The following CHRNE variants were observed in gnomAD, a reference collection of about 807,000 sequenced individuals.
The protein encoded by CHRNE is cholinergic receptor nicotinic epsilon subunit, also known as acetylcholine receptor subunit epsilon.
Under a neutral mutation model 56.5 loss-of-function variants are expected in CHRNE, and 58 were observed. The observed-to-expected ratio is 1.03, with a 90% CI of 0.83 to 1.28. CHRNE has a LOEUF of 1.28. Ranked by LOEUF, CHRNE falls within the 50% of genes most tolerant of loss-of-function variation. The probability of loss-of-function intolerance (pLI) is 0.00; values close to 1 mark genes in which losing one functional copy is unlikely to be tolerated. For synonymous variants in CHRNE, 385 were observed against 297.9 expected (o/e 1.29, Z -3.01); for missense variants, 793 against 688.9 (o/e 1.15, Z -1.69).
At chr17:4,906,815 G>T (rs1463831917), upstream of CHRNE, among the ~76,000 whole-genome samples, 3 of 152,054 alleles carry the variant, frequency 2.0e-5, no homozygotes, top group Non-Finnish European at 4.4e-5. Flanking sequence ...ACAGATGAAT[G>T]GATAAAGCAA....
At chr17:4,899,646 T>C in intron 8 of CHRNE, 64 bp from the exon 9 acceptor site, 1 of 1,463,778 alleles carries the variant, frequency 6.8e-7, no homozygotes, top group Non-Finnish European at 9.4e-7. Flanking sequence ...CGCCGCGCGC[T>C]GACCTCACAA....
chr17:4,903,855 C>T (rs74574706), upstream of CHRNE, among the ~76,000 whole-genome samples: 19,807 of 151,982 alleles, frequency 0.13, 1,575 homozygotes, highest in African/African-American at 0.23. Flanking sequence ...TTTGATGTTC[C>T]TTTTTAAAAA....
intron 8 of CHRNE, chr17:4,899,813 C>G (rs745578004): frequency 3.0e-5 from 47 of 1,551,122 alleles, no homozygotes; most frequent in Non-Finnish European, 3.9e-5. Flanking sequence ...TCTACCACTT[C>G]CACAGCTCCA....
chr17:4,899,500 T>C lies in CHRNE; in HGVS notation c.1000A>G (p.Thr334Ala), dbSNP rs1164118107. The change falls in exon 9 of 12, where the codon ACC becomes GCC. Residue 334 changes from threonine (T) to alanine (A), a missense_variant. Transcript: ENST00000649488. ...AGCCGCGGGGACATGGCGTGGGTGGTGGGCGTCCGCTGGGACACGTTGAGC... is the reference window on the plus strand; with the variant it reads ...AGCCGCGGGGACATGGCGTGGGTGGCGGGCGTCCGCTGGGACACGTTGAGC... Reference protein sequence around the residue: ...IVLNVSQRTPTTHAMSPRLRH... With the variant: ...IVLNVSQRTPATHAMSPRLRH... The C allele has an allele frequency of 6.2e-7, 1 of 1,602,254 alleles. No individual in the cohort carries two copies. Among genetic ancestry groups the C allele is most frequent in the South Asian group, 1.1e-5 (1 of 88,632 alleles).
Position 4,902,336 on chromosome 17 carries a change from G to T in CHRNE, c.235-10C>A, listed in dbSNP as rs778566436. 1.9e-6 allele frequency: 3 copies of T among 1,613,944 alleles called. No individual in the cohort carries two copies. The African/African-American group carries it at 4.0e-5, about 22-fold the overall frequency. On this transcript the variant is annotated splice_polypyrimidine_tract_variant and intron_variant, in intron 3 of 11. Transcript: ENST00000649488. This position sits in a 1 kb window ranked among gnomAD's most constrained non-coding sequence, Gnocchi z 4.0. ...GGTAATCCTGCCAATCCTAAGGGGT[G>T]GGGGATGGAAGGCCGCGTGCCCTGC...
chr17:4,900,762 G>A lies in CHRNE; in HGVS notation c.917+31C>T, dbSNP rs1185914306. On this transcript the variant is annotated intron_variant, in intron 8 of 11. Coordinates refer to ENST00000649488, the MANE Select transcript of CHRNE (RefSeq NM_000080.4). ...TGGCCACGCCCCCACCCTTCACACT[G>A]GCCACACCCCCGCGGGGGCTCCGGC... is the stretch of plus-strand genomic sequence containing the variant. 2.5e-6 allele frequency: 4 copies of A among 1,596,654 alleles called. No individual in the cohort carries two copies. In the East Asian group the frequency reaches 6.8e-5, roughly 27 times the overall value.
In CHRNE at chr17:4,900,732, G is replaced by A. The variant is rs1969952885; in HGVS notation, c.917+61C>T. 3.2e-6 allele frequency: 5 copies of A among 1,538,612 alleles called. No homozygotes were observed. The African/African-American group carries it at 5.5e-5, about 17-fold the overall frequency. On this transcript the variant is annotated intron_variant, in intron 8 of 11. Transcript: ENST00000649488. ...GCCAGAGCTTTTCCCGGGGTCTCTGGGTTTTGGCCACGCCCCCACCCTTCA... is the reference window on the plus strand; with the variant it reads ...GCCAGAGCTTTTCCCGGGGTCTCTGAGTTTTGGCCACGCCCCCACCCTTCA...
rs780327519 is a variant in CHRNE at position 4,899,324 on chromosome 17, C to T, written c.1093G>A (p.Ala365Thr). Residue 365 changes from alanine to threonine, a missense_variant, in exon 10 of 12, where the codon GCC becomes ACC. Physicochemically the swap from Ala to Thr is moderately conservative, Grantham distance 58. Transcript: ENST00000649488. Reference sequence around the variant, plus strand: ...GACGCCCGCCTTGGGGGCGAGGCGGCCCGGGGGGCCTCGGGCGGCGGCGGG... The same window carrying T: ...GACGCCCGCCTTGGGGGCGAGGCGGTCCGGGGGGCCTCGGGCGGCGGCGGG... Reference protein sequence around the residue: ...GSPPPPEAPRAASPPRRASSV... With the variant: ...GSPPPPEAPRTASPPRRASSV... 7.0e-6 allele frequency: 11 copies of T among 1,563,586 alleles called. No individual in the cohort carries two copies. The highest frequency in any genetic ancestry group is 2.7e-5 in the African/African-American group (2 of 73,590).
At chr17:4,907,289 C>T (rs970737724), upstream of CHRNE, among the ~76,000 whole-genome samples, 1 of 151,930 alleles carries the variant, frequency 6.6e-6, no homozygotes, top group Non-Finnish European at 1.5e-5. Context: ...CCGGGCCGGG[C>T]GCGGGGGCTC....
upstream of CHRNE, among the ~76,000 whole-genome samples, chr17:4,903,282 C>T (rs889846617): frequency 6.6e-6 from 1 of 152,162 alleles, no homozygotes; most frequent in Non-Finnish European, 1.5e-5. Flanking sequence ...CCCAGCCCAG[C>T]GTCCTTTGCC....
In CHRNE at chr17:4,898,402, TATAG is replaced by T. The variant is rs773327003; in HGVS notation, c.*330_*333del. The T allele has an allele frequency of 4.2e-5, 17 of 404,880 alleles. No individual in the cohort carries two copies. The highest frequency in any genetic ancestry group is 7.2e-5 in the Admixed American group (2 of 27,678). The allele number at this position is 404,880 out of a possible 1,614,324, so 25.1% of individuals were successfully genotyped here. A position where few individuals can be genotyped will look rare whatever the true frequency, so the allele number is the denominator to read the frequency against. On this transcript the variant is annotated 3_prime_UTR_variant, in exon 12 of 12. Transcript: ENST00000649488. ...GTCTCCTGTTTGGCTATGAAATGAATATAGATAGATAGCTCACAAGCTGGCAGCC... is the reference window on the plus strand; with the variant it reads ...GTCTCCTGTTTGGCTATGAAATGAATATAGATAGCTCACAAGCTGGCAGCC...
chr17:4,900,632 G>T, intron 8 of CHRNE, 161 bp downstream of exon 8: 1 of 1,491,420 alleles, frequency 6.7e-7, no homozygotes, highest in Non-Finnish European at 9.1e-7. Context: ...CAGTGAGGAG[G>T]ACGGCGGACC....
rs1218804339 is a variant in CHRNE, at chr17:4,899,335, T to A, written c.1082A>T (p.Glu361Val). The A allele has an allele frequency of 6.4e-7, 1 of 1,551,182 alleles. No individual in the cohort carries two copies. The highest frequency in any genetic ancestry group is 2.4e-5 in the East Asian group (1 of 41,678). Reference protein sequence around the residue: ...PRLLGSPPPPEAPRAASPPRR... With the variant: ...PRLLGSPPPPVAPRAASPPRR... ...TGGGGGCGAGGCGGCCCGGGGGGCC[T>A]CGGGCGGCGGCGGGGAGCCCAGGAG... The change falls in exon 10 of 12, where the codon GAG (glutamate) becomes GTG (valine). Residue 361 changes from glutamate (E) to valine (V), a missense_variant. Coordinates refer to ENST00000649488, the MANE Select transcript of CHRNE (RefSeq NM_000080.4).
Position 4,899,480 on chromosome 17 carries a change from C to T in CHRNE, c.1020G>A (p.Pro340=). The change falls in exon 9 of 12, where the codon CCG becomes CCA. Residue 340 remains proline (P), a synonymous_variant. Coordinates refer to ENST00000649488, the MANE Select transcript of CHRNE (RefSeq NM_000080.4). ...CCTCCGCGCTTACGTGGCGCAGCCGCGGGGACATGGCGTGGGTGGTGGGCG... is the reference window on the plus strand; with the variant it reads ...CCTCCGCGCTTACGTGGCGCAGCCGTGGGGACATGGCGTGGGTGGTGGGCG... The part of the protein sequence containing the change: ...QRTPTTHAMS[P]RLRHVLLELL... The T allele has an allele frequency of 6.3e-7, 1 of 1,596,830 alleles. No individual in the cohort carries two copies. The highest frequency in any genetic ancestry group is 8.5e-7 in the Non-Finnish European group (1 of 1,173,310).
intron 1 of CHRNE, among the ~76,000 whole-genome samples, chr17:4,908,462 G>A (rs912191449): frequency 1.6e-5 from 2 of 123,860 alleles, no homozygotes; most frequent in African/African-American, 6.2e-5. Flanking sequence ...AGTGCTGGGA[G>A]CAAAGCTCAG....
At position 4,899,543 on chromosome 17, in the gene CHRNE, G is replaced by A. The variant is rs1244564448; in HGVS notation, c.957C>T (p.Val319=). 6 of 1,601,138 alleles carry A rather than the reference G, an allele frequency of 3.7e-6. No homozygotes were observed. The highest frequency in any genetic ancestry group is 1.7e-4 in the Middle Eastern group (1 of 5,826). The change falls in exon 9 of 12, where the codon GTC becomes GTT. Residue 319 remains valine, a synonymous_variant. Transcript: ENST00000649488. ...CGTTGAGCACGATGACGCAATTCATGACAATGAGCGTGGCGACCACCATGA... is the reference window on the plus strand; with the variant it reads ...CGTTGAGCACGATGACGCAATTCATAACAATGAGCGTGGCGACCACCATGA... ...IFVMVVATLI[V]MNCVIVLNVS...
Position 4,898,639 on chromosome 17 carries a change from G to A in CHRNE, c.*97C>T. ...AAGTTCACAAACTGCAGATTGATCA[G>A]CAGGGGGAAGGGATCATAATGCCGT... On this transcript the variant is annotated 3_prime_UTR_variant, in exon 12 of 12. Transcript: ENST00000649488. 6.8e-7 allele frequency: 1 copy of A among 1,466,574 alleles called. No homozygotes were observed. The highest frequency in any genetic ancestry group is 2.4e-5 in the East Asian group (1 of 40,970). 90.8% of individuals were successfully genotyped at this position (1,466,574 alleles called of 1,614,324 possible).
chr17:4,899,947 G>A (rs911507888), intron 8 of CHRNE: 2 of 1,550,686 alleles, frequency 1.3e-6, no homozygotes, highest in Non-Finnish European at 1.7e-6. Flanking sequence ...TGGCCCTCCA[G>A]CCCCCGCTTC....
chr17:4,898,811 G>C lies in CHRNE; in HGVS notation c.1407C>G (p.Gly469=). ...FWAALVLFSV[G]SSLIFLGAYF... is the part of the protein sequence containing the mutation. Reference sequence around the variant, plus strand: ...AGGCCCCGAGGAAGATGAGGCTGGAGCCCACGCTGAAGAGCACCAGAGCGG... The same window carrying C: ...AGGCCCCGAGGAAGATGAGGCTGGACCCCACGCTGAAGAGCACCAGAGCGG... Residue 469 remains glycine (G), a synonymous_variant, in exon 12 of 12, where the codon GGC becomes GGG. Coordinates refer to ENST00000649488, the MANE Select transcript of CHRNE (RefSeq NM_000080.4). The C allele has an allele frequency of 6.2e-7, 1 of 1,605,060 alleles. No individual in the cohort carries two copies. Among genetic ancestry groups the C allele is most frequent in the East Asian group, 2.2e-5 (1 of 44,582 alleles).
Sources: allele counts gnomAD v4.1 joint callset (sites outside exome capture counted in the v4.1 genomes callset), GRCh38; gene constraint gnomAD v4.1.1; non-coding constraint Gnocchi (gnomAD v3.1); transcripts MANE v1.5; gene names NCBI Gene and HGNC (gene_info 2026-07-23, HGNC 2026-07-21).